VWA5B2: variants seen among roughly 807,000 people sequenced by gnomAD.
VWA5B2 encodes the protein von Willebrand factor A domain containing 5B2.
Under a neutral mutation model 118.5 loss-of-function variants are expected in VWA5B2, and 93 were observed. That is an observed-to-expected ratio of 0.79 (90% confidence interval 0.66 to 0.93). The LOEUF (loss-of-function observed/expected upper bound fraction) is 0.93, where lower values mean the gene tolerates loss of function less well. Ranked by LOEUF, VWA5B2 falls within the 40% of genes least tolerant of loss-of-function variation. The pLI is 0.00. For synonymous variants in VWA5B2, 708 were observed against 716.3 expected (o/e 0.99, Z 0.19); for missense variants, 1,546 against 1,672.8 (o/e 0.92, Z 1.32).
intron 8 of VWA5B2, 46 bp from the exon 9 acceptor site, chr3:184,236,106 G>C (rs1717949238): frequency 6.7e-7 from 1 of 1,494,720 alleles, no homozygotes; most frequent in African/African-American, 1.4e-5. Context: ...CTCTGTATCA[G>C]GGCCCATGGG....
chr3:184,234,385 C>T lies in VWA5B2; in HGVS notation c.808C>T (p.Leu270=). ...CTGTGACCGGGCCTTGGAGATCCTGCTGCACCCCAGTGGTGAGAGACTGGG... is the reference window on the plus strand; with the variant it reads ...CTGTGACCGGGCCTTGGAGATCCTGTTGCACCCCAGTGGTGAGAGACTGGG... ...HHCDRALEIL[L]HPSEPHQPHL... Residue 270 remains leucine (L), a synonymous_variant, in exon 6 of 20, where the codon CTG becomes TTG. Coordinates refer to ENST00000691901, the MANE Select transcript of VWA5B2 (RefSeq NM_001390846.1). The T allele has an allele frequency of 6.4e-7, 1 of 1,551,800 alleles. No homozygotes were observed. The highest frequency in any genetic ancestry group is 2.4e-5 in the East Asian group (1 of 40,922).
chr3:184,233,358 C>T lies in VWA5B2; in HGVS notation c.491C>T (p.Pro164Leu), dbSNP rs1323747348. ...CTCACCCCGCTGGCCCCGCCAGGCC[C>T]GCCGGGGCCCCCCAGGCCTCCGGGG... ...TVLTPLAPPG[P>L]PGPPRPPGLC... The change falls in exon 4 of 20, where the codon CCG becomes CTG. Residue 164 changes from proline to leucine, a missense_variant. Transcript: ENST00000691901. This position sits in a 1 kb window ranked among gnomAD's most constrained non-coding sequence, Gnocchi z 5.2. 1.4e-5 allele frequency: 21 copies of T among 1,540,046 alleles called. No individual in the cohort carries two copies. The highest frequency in any genetic ancestry group is 2.4e-5 in the East Asian group (1 of 40,838).
chr3:184,237,345 T>G lies in VWA5B2; in HGVS notation c.1653T>G (p.Pro551=). The G allele has an allele frequency of 6.4e-7, 1 of 1,551,228 alleles. No homozygotes were observed. The highest frequency in any genetic ancestry group is 8.7e-7 in the Non-Finnish European group (1 of 1,146,910). ...LTPREIPALY[P]GDQLLGYCSL... is the part of the protein sequence containing the mutation. Reference sequence around the variant, plus strand: ...CCCGGGAGATCCCAGCACTCTACCCTGGGGACCAGCTGCTCGGTTACTGCT... The same window carrying G: ...CCCGGGAGATCCCAGCACTCTACCCGGGGGACCAGCTGCTCGGTTACTGCT... Residue 551 remains proline, a synonymous_variant, in exon 12 of 20, where the codon CCT becomes CCG. Transcript: ENST00000691901. The surrounding 1 kb of genome is among the most constrained non-coding windows in gnomAD (Gnocchi z 5.6).
Position 184,239,278 on chromosome 3 carries a change from G to C in VWA5B2, c.2203-116G>C. The C allele has an allele frequency of 8.2e-7, 1 of 1,213,332 alleles. No homozygotes were observed. Among genetic ancestry groups the C allele is most frequent in the Non-Finnish European group, 1.1e-6 (1 of 912,810 alleles). 75.2% of individuals were successfully genotyped at this position (1,213,332 alleles called of 1,614,324 possible). ...TAAGGAACTTGGCCTTCCTCCTCAA[G>C]CTGGTGAGCGGCCACCCAGGGTTTC... On this transcript the variant is annotated intron_variant, in intron 14 of 19. Coordinates refer to ENST00000691901, the MANE Select transcript of VWA5B2 (RefSeq NM_001390846.1). The surrounding 1 kb of genome is among the most constrained non-coding windows in gnomAD (Gnocchi z 5.1).
At chr3:184,232,756 G>T in intron 3 of VWA5B2, 2 of 177,700 alleles carry the variant, frequency 1.1e-5, no homozygotes, top group Non-Finnish European at 1.2e-5. Flanking sequence ...GGGAGCTCCT[G>T]ATGGTTCAGG....
intron 3 of VWA5B2, among the ~76,000 whole-genome samples, chr3:184,231,962 T>G (rs1305676907): frequency 6.6e-6 from 1 of 152,172 alleles, no homozygotes; most frequent in Non-Finnish European, 1.5e-5. Context: ...AGGGTAGGAC[T>G]CAGTTAAGTG....
In VWA5B2 at chr3:184,239,792, G is replaced by C; in HGVS notation, c.2496G>C (p.Val832=). 6.5e-7 allele frequency: 1 copy of C among 1,544,864 alleles called. No homozygotes were observed. Among genetic ancestry groups the C allele is most frequent in the African/African-American group, 1.4e-5 (1 of 73,034 alleles). Residue 832 remains valine, a synonymous_variant, in exon 16 of 20, where the codon GTG becomes GTC. Coordinates refer to ENST00000691901, the MANE Select transcript of VWA5B2 (RefSeq NM_001390846.1). This position sits in a 1 kb window ranked among gnomAD's most constrained non-coding sequence, Gnocchi z 5.1. ...PPSGELAPPA[V]PPQAPRCHVV... ...GTGGGGAGTTGGCCCCTCCAGCAGT[G>C]CCTCCCCAGGCTCCACGCTGCCATG...
Position 184,230,507 on chromosome 3 carries a change from G to T in VWA5B2, c.-22G>T. 1.4e-6 allele frequency: 2 copies of T among 1,439,600 alleles called. No homozygotes were observed. Among genetic ancestry groups the T allele is most frequent in the Non-Finnish European group, 9.0e-7 (1 of 1,106,542 alleles). 89.2% of individuals were successfully genotyped at this position (1,439,600 alleles called of 1,614,324 possible). On this transcript the variant is annotated 5_prime_UTR_variant, in exon 2 of 20. Transcript: ENST00000691901. The stretch of plus-strand genomic sequence containing the variant: ...CGCCCAGCTTCCCCGGCCCGTTCCC[G>T]CAGGGCCGGCCTCCCGGCGCCATGC...
intron 7 of VWA5B2, 129 bp from the exon 8 acceptor site, chr3:184,235,023 GA>G: frequency 1.6e-6 from 2 of 1,243,044 alleles, no homozygotes; most frequent in Non-Finnish European, 2.2e-6. Flanking sequence ...GCCTTTATTC[GA>G]ATTACTACAA....
chr3:184,239,246 T>G lies in VWA5B2; in HGVS notation c.2203-148T>G. 1.2e-6 allele frequency: 1 copy of G among 827,194 alleles called. No homozygotes were observed. Among genetic ancestry groups the G allele is most frequent in the East Asian group, 2.9e-5 (1 of 34,758 alleles). The allele number at this position is 827,194 out of a possible 1,614,324, so 51.2% of individuals were successfully genotyped here. A position where few individuals can be genotyped will look rare whatever the true frequency, so the allele number is the denominator to read the frequency against. On this transcript the variant is annotated intron_variant, in intron 14 of 19. Transcript: ENST00000691901. This position sits in a 1 kb window ranked among gnomAD's most constrained non-coding sequence, Gnocchi z 5.1. ...AAGGGGCCAAGGCCAGAGGTCACTG[T>G]AGGCCATAAGGAACTTGGCCTTCCT...
At position 184,241,308 on chromosome 3, in the gene VWA5B2, C is replaced by T. The variant is rs1257054080; in HGVS notation, c.3084C>T (p.Pro1028=). Residue 1028 remains proline (P), a synonymous_variant, in exon 19 of 20, where the codon CCC becomes CCT. Transcript: ENST00000691901. The surrounding 1 kb of genome is among the most constrained non-coding windows in gnomAD (Gnocchi z 5.1). ...EGPRRPPPRP[P]CRLSMGRRHK... ...CTCGCCGCCCACCTCCCCGTCCTCC[C>T]TGTCGGCTCAGCATGGGCCGCCGTC... 1.3e-6 allele frequency: 2 copies of T among 1,551,358 alleles called. No homozygotes were observed. The highest frequency in any genetic ancestry group is 3.9e-5 in the Admixed American group (2 of 51,006).
chr3:184,235,372 TG>T, intron 8 of VWA5B2, 64 bp downstream of exon 8: 9 of 1,509,052 alleles, frequency 6.0e-6, no homozygotes, highest in Non-Finnish European at 8.0e-6. Flanking sequence ...TGAGGAGGGC[TG>T]GGGGCAGCCT....
At chr3:184,236,609 G>T (rs1350152863) in intron 10 of VWA5B2, 29 bp from the exon 11 acceptor site, 2 of 1,549,062 alleles carry the variant, frequency 1.3e-6, no homozygotes, top group Non-Finnish European at 1.7e-6. Context: ...GGCTCCTGAA[G>T]ATCACAGCTG....
rs186251501 is a variant in VWA5B2 at position 184,238,756 on chromosome 3, C to A, written c.2085C>A (p.Pro695=). ...ESPGSQGPGS[P]EGSAPLEPPS... ...CAGGCTCACAGGGCCCTGGCTCCCC[C>A]GAAGGTAGTGCTCCCTTGGAGCCCC... Residue 695 remains proline (P), a synonymous_variant, in exon 14 of 20, where the codon CCC becomes CCA. Transcript: ENST00000691901. The surrounding 1 kb of genome is among the most constrained non-coding windows in gnomAD (Gnocchi z 5.0). 5.2e-6 allele frequency: 8 copies of A among 1,550,644 alleles called. No homozygotes were observed. In the Admixed American group the frequency reaches 9.8e-5, roughly 19 times the overall value.
Position 184,241,129 on chromosome 3 carries a change from A to C in VWA5B2, c.2962+22A>C. On this transcript the variant is annotated intron_variant, in intron 18 of 19. Transcript: ENST00000691901. This position sits in a 1 kb window ranked among gnomAD's most constrained non-coding sequence, Gnocchi z 5.1. The stretch of plus-strand genomic sequence containing the variant: ...AAAGGTAACACCCAAAGGTAGGGAA[A>C]GGGTAGGGGCACTTGGGCTTAGAGA... The C allele has an allele frequency of 6.4e-7, 1 of 1,551,690 alleles. No homozygotes were observed. The highest frequency in any genetic ancestry group is 8.7e-7 in the Non-Finnish European group (1 of 1,146,980).
In VWA5B2 at chr3:184,241,819, C is replaced by G. The variant is rs765733671; in HGVS notation, c.3510C>G (p.Ala1170=). 1.8e-5 allele frequency: 27 copies of G among 1,519,930 alleles called. No homozygotes were observed. The South Asian group carries it at 3.4e-4, about 19-fold the overall frequency. The allele number at this position is 1,519,930 out of a possible 1,614,324, so 94.2% of individuals were successfully genotyped here. ...TGCGGGGCCGGACCTGGGCCACTGC[C>G]GTAGCACTCGCCTGGCTGGAGCACC... The part of the protein sequence containing the change: ...TDLRGRTWAT[A]VALAWLEHRC... Residue 1170 remains alanine, a synonymous_variant, in exon 20 of 20, where the codon GCC becomes GCG. Transcript: ENST00000691901. This position sits in a 1 kb window ranked among gnomAD's most constrained non-coding sequence, Gnocchi z 5.1.
chr3:184,234,928 C>A, intron 7 of VWA5B2, 173 bp downstream of exon 7: 1 of 1,166,428 alleles, frequency 8.6e-7, no homozygotes, highest in Non-Finnish European at 1.2e-6. Flanking sequence ...CATTGGAGGG[C>A]CGATGTGAAT....
chr3:184,233,541 A>G lies in VWA5B2; in HGVS notation c.531-35A>G. The G allele has an allele frequency of 6.5e-7, 1 of 1,543,748 alleles. No individual in the cohort carries two copies. ...AGCCGGAGGGTTTAGGGGCCTTCAC[A>G]GTGGCCCAGTGACCCTCCTCATGCT... On this transcript the variant is annotated intron_variant, in intron 4 of 19. Transcript: ENST00000691901. This position sits in a 1 kb window ranked among gnomAD's most constrained non-coding sequence, Gnocchi z 5.2.
chr3:184,230,887 G>C lies in VWA5B2; in HGVS notation c.280G>C (p.Gly94Arg). 7 of 1,224,914 alleles carry C rather than the reference G, an allele frequency of 5.7e-6. No individual in the cohort carries two copies. Among genetic ancestry groups the C allele is most frequent in the Non-Finnish European group, 7.1e-6 (7 of 983,900 alleles). 75.9% of individuals were successfully genotyped at this position (1,224,914 alleles called of 1,614,324 possible). A position where few individuals can be genotyped will look rare whatever the true frequency, so the allele number is the denominator to read the frequency against. Reference sequence around the variant, plus strand: ...CTGCCGCGCTCTGGGCCCGGGGCTGGGGACCCCGACGCCCCGCCGCTGCGC... The same window carrying C: ...CTGCCGCGCTCTGGGCCCGGGGCTGCGGACCCCGACGCCCCGCCGCTGCGC... ...ACCRALGPGL[G>R]TPTPRRCAQG... The change falls in exon 3 of 20, where the codon GGG becomes CGG. Residue 94 changes from glycine to arginine, a missense_variant. This residue lies in a region of VWA5B2 where 775 missense variants were observed against 882.3 expected (regional missense o/e 0.88). Transcript: ENST00000691901.
Sources: gnomAD v4.1 joint callset for allele counts (sites outside exome capture counted in the v4.1 genomes callset) on GRCh38, gnomAD v4.1.1 for gene constraint, gnomAD v4.1.1 regional missense constraint, Gnocchi (gnomAD v3.1) non-coding constraint, MANE v1.5 for transcripts, NCBI Gene and HGNC (gene_info 2026-07-23, HGNC 2026-07-21) for gene names.